Variants in MASP1 observed in about 807,000 individuals in gnomAD.
MASP1 encodes MBL associated serine protease 1.
Under a neutral mutation model 77.1 loss-of-function variants are expected in MASP1, and 59 were observed. The ratio of observed to expected loss-of-function variants is 0.77; its 90% CI spans 0.62 to 0.95. MASP1 has a LOEUF of 0.95. Ranked by LOEUF, MASP1 falls within the 40% of genes least tolerant of loss-of-function variation. The pLI is 0.00. For missense variants in MASP1, 885 were observed against 912.9 expected (o/e 0.97, Z 0.39); for synonymous variants, 362 against 354.5 (o/e 1.02, Z -0.24).
At chr3:187,226,169 G>A (rs1712413251) in intron 12 of MASP1, 3 of 540,504 alleles carry the variant, frequency 5.6e-6, no homozygotes, top group Non-Finnish European at 1.0e-5. Flanking sequence ...ATTATCTAGA[G>A]GCCTCCTCAT....
intron 8 of MASP1, among the ~76,000 whole-genome samples, chr3:187,248,418 G>A (rs1319543939): frequency 6.6e-6 from 1 of 152,140 alleles, no homozygotes; most frequent in Non-Finnish European, 1.5e-5. Context: ...TTGAGGGCAG[G>A]AAACTGAGGC....
chr3:187,232,526 C>T (rs1428158473), downstream of MASP1, among the ~76,000 whole-genome samples: 1 of 152,216 alleles, frequency 6.6e-6, no homozygotes, highest in Non-Finnish European at 1.5e-5. Flanking sequence ...CTAACCTTCT[C>T]CCCTTTGTTT....
chr3:187,235,600 G>A lies in MASP1; in HGVS notation c.*84C>T, dbSNP rs1314272336. On this transcript the variant is annotated 3_prime_UTR_variant, in exon 11 of 11. Transcript: ENST00000296280. Reference sequence around the variant, plus strand: ...AGGTCAGTGTGTTCCATTCCATATGGTCTGATAAGTAATGTGGAGTGTGCT... The same window carrying A: ...AGGTCAGTGTGTTCCATTCCATATGATCTGATAAGTAATGTGGAGTGTGCT... 3.1e-6 allele frequency: 5 copies of A among 1,599,020 alleles called. No individual in the cohort carries two copies. In the South Asian group the frequency reaches 4.4e-5, roughly 14 times the overall value.
At chr3:187,243,724 C>T (rs1487867230) in intron 8 of MASP1, 103 bp from the exon 9 acceptor site, 4 of 1,406,054 alleles carry the variant, frequency 2.8e-6, no homozygotes, top group African/African-American at 2.8e-5. Flanking sequence ...GCACTGCACA[C>T]AATTCCAGAA....
intron 2 of MASP1, among the ~76,000 whole-genome samples, chr3:187,264,988 C>T (rs1247866580): frequency 6.6e-6 from 1 of 152,070 alleles, no homozygotes; most frequent in African/African-American, 2.4e-5. Context: ...TGGGCCATCT[C>T]CTTTCTAGCT....
At chr3:187,286,837 A>C (rs1334520182) in intron 1 of MASP1, among the ~76,000 whole-genome samples, 1 of 152,168 alleles carries the variant, frequency 6.6e-6, no homozygotes, top group Non-Finnish European at 1.5e-5. Context: ...TAATGGGCCC[A>C]AACTTGCCTC....
Position 187,291,645 on chromosome 3 carries a change from G to C in MASP1, c.-13C>G. On this transcript the variant is annotated 5_prime_UTR_variant, in exon 1 of 11. Coordinates refer to ENST00000296280, the MANE Select transcript of MASP1 (RefSeq NM_139125.4). ...GCACGTACCTCATTTTCCTGCCTTG[G>C]GTGCTCCCGGCTGCCCGGCCTTGGT... 1 of 1,614,178 alleles carries C rather than the reference G, an allele frequency of 6.2e-7. No individual in the cohort carries two copies. Among genetic ancestry groups the C allele is most frequent in the Non-Finnish European group, 8.5e-7 (1 of 1,180,018 alleles).
At chr3:187,233,960 A>G (rs1712919672), downstream of MASP1, 6 of 568,604 alleles carry the variant, frequency 1.1e-5, no homozygotes, top group South Asian at 1.2e-4. Flanking sequence ...CCAGATACCA[A>G]AAGTTGTACT....
chr3:187,252,817 T>C (rs1477542478), intron 6 of MASP1, among the ~76,000 whole-genome samples: 1 of 152,138 alleles, frequency 6.6e-6, no homozygotes, highest in African/African-American at 2.4e-5. Flanking sequence ...AGCCCTAGAC[T>C]TGGAGAAGGC....
downstream of MASP1, chr3:187,229,909 G>T (rs762232820): frequency 5.0e-6 from 8 of 1,613,364 alleles, no homozygotes; most frequent in Non-Finnish European, 5.9e-6. Context: ...TGCATCCAAG[G>T]GAGGGAGGGA....
chr3:187,272,856 G>A (rs1373005495), intron 2 of MASP1, among the ~76,000 whole-genome samples: 1 of 152,154 alleles, frequency 6.6e-6, no homozygotes, highest in African/African-American at 2.4e-5. Flanking sequence ...CTAGTTTGTG[G>A]ACATTTATTA....
At position 187,234,092 on chromosome 3, in the gene MASP1, C is replaced by T. The variant is rs1045131701; in HGVS notation, c.*1592G>A. ...CCCATAAGCCAAGGCTGTTGGTTAT[C>T]CACGAGGGTTTATTTCCACTTGAGA... On this transcript the variant is annotated 3_prime_UTR_variant, in exon 11 of 11. Transcript: ENST00000296280. 1.6e-6 allele frequency: 2 copies of T among 1,272,916 alleles called. No homozygotes were observed. Among genetic ancestry groups the T allele is most frequent in the African/African-American group, 3.1e-5 (2 of 65,388 alleles). 78.9% of individuals were successfully genotyped at this position (1,272,916 alleles called of 1,614,324 possible).
intron 8 of MASP1, 59 bp downstream of exon 8, chr3:187,250,192 G>T: frequency 7.2e-7 from 1 of 1,395,710 alleles, no homozygotes; most frequent in Non-Finnish European, 1.0e-6. Flanking sequence ...TGCTCTGCTC[G>T]GATCCCGCCA....
chr3:187,282,549 T>C (rs1402518875), intron 2 of MASP1, among the ~76,000 whole-genome samples: 1 of 145,252 alleles, frequency 6.9e-6, no homozygotes, highest in Non-Finnish European at 1.5e-5. Flanking sequence ...AGAATATATT[T>C]GAAAACCACA....
chr3:187,258,629 C>A (rs938626323), intron 4 of MASP1, among the ~76,000 whole-genome samples: 1 of 152,164 alleles, frequency 6.6e-6, no homozygotes. Context: ...CCTGCTGTAA[C>A]CCTTCATAAG....
chr3:187,271,668 A>G (rs1716528764), intron 2 of MASP1, among the ~76,000 whole-genome samples: 2 of 152,202 alleles, frequency 1.3e-5, no homozygotes, highest in Admixed American at 6.5e-5. Context: ...TTCTCTTTTT[A>G]CATTTAAAAA....
chr3:187,278,714 C>T (rs1045503107), intron 2 of MASP1, among the ~76,000 whole-genome samples: 3 of 152,132 alleles, frequency 2.0e-5, no homozygotes, highest in African/African-American at 2.4e-5. Flanking sequence ...TTTTCCTCTC[C>T]CATACGCAGC....
At chr3:187,281,289 G>A (rs558879798) in intron 2 of MASP1, among the ~76,000 whole-genome samples, 1 of 152,226 alleles carries the variant, frequency 6.6e-6, no homozygotes, top group African/African-American at 2.4e-5. Context: ...TCTTCTTCAG[G>A]CTACTGATGA....
Position 187,236,215 on chromosome 3 carries a change from G to A in MASP1, c.1656C>T (p.His552=), listed in dbSNP as rs746269920. 32 of 1,614,094 alleles carry A rather than the reference G, an allele frequency of 2.0e-5. No individual in the cohort carries two copies. In the Admixed American group the frequency reaches 2.2e-4, roughly 11 times the overall value. Residue 552 remains histidine (H), a synonymous_variant, in exon 11 of 11, where the codon CAC becomes CAT. Transcript: ENST00000296280. ...HPDFNIQNYN[H]DIALVQLQEP... is the part of the protein sequence containing the mutation. ...CCTGCAGCTGCACCAGAGCTATATCGTGGTTGTAGTTTTGGATGTTGAAGT... is the reference window on the plus strand; with the variant it reads ...CCTGCAGCTGCACCAGAGCTATATCATGGTTGTAGTTTTGGATGTTGAAGT...
Sources: gnomAD v4.1 joint callset for allele counts (sites outside exome capture counted in the v4.1 genomes callset) on GRCh38, gnomAD v4.1.1 for gene constraint, MANE v1.5 for transcripts, NCBI Gene and HGNC (gene_info 2026-07-23, HGNC 2026-07-21) for gene names.